DAPK1: variants seen among roughly 807,000 people sequenced by gnomAD.
The protein encoded by DAPK1 is death associated protein kinase 1, also known as death-associated protein kinase 1.
Under a neutral mutation model 144.9 loss-of-function variants are expected in DAPK1, and 56 were observed. That is an observed-to-expected ratio of 0.39 (90% CI 0.31 to 0.48). The LOEUF is 0.48. Ranked by LOEUF, DAPK1 falls within the 20% of genes least tolerant of loss-of-function variation. DAPK1 has a pLI of 0.95. For synonymous variants in DAPK1, 690 were observed against 749.0 expected (o/e 0.92, Z 1.29); for missense variants, 1,454 against 1,875.4 (o/e 0.78, Z 4.15).
At chr9:87,510,466 C>A (rs758214298) in intron 2 of DAPK1, among the ~76,000 whole-genome samples, 1 of 152,208 alleles carries the variant, frequency 6.6e-6, no homozygotes, top group Non-Finnish European at 1.5e-5. Flanking sequence ...TCCTGGCAAC[C>A]TCTCCAGAGC....
chr9:87,646,541 A>C lies in DAPK1; in HGVS notation c.1212A>C (p.Arg404Ser), dbSNP rs369627206. The stretch of plus-strand genomic sequence containing the variant: ...AGTTGCTCATTAAAAGAGGCTCGAG[A>C]ATCGATGTCCAGGATAAGGTCATAA... The part of the protein sequence containing the change: ...ILQLLIKRGS[R>S]IDVQDKGGSN... Residue 404 changes from arginine to serine, a missense_variant, in exon 13 of 26, where the codon AGA becomes AGC. Transcript: ENST00000408954. 274 of 1,611,298 alleles carry C rather than the reference A, an allele frequency of 1.7e-4. No homozygotes were observed. Among genetic ancestry groups the C allele is most frequent in the Non-Finnish European group, 2.2e-4 (264 of 1,177,504 alleles).
At chr9:87,632,112 A>ATG (rs527883819) in intron 3 of DAPK1, 32 of 630,146 alleles carry the variant, frequency 5.1e-5, no homozygotes, top group South Asian at 4.4e-4. Flanking sequence ...ATATATATGT[A>ATG]TGTGTGTGTG....
At chr9:87,638,539 T>G (rs1462456695) in intron 4 of DAPK1, among the ~76,000 whole-genome samples, 1 of 152,174 alleles carries the variant, frequency 6.6e-6, no homozygotes, top group Admixed American at 6.5e-5. Context: ...TGCAGGACGC[T>G]GTTGGAGATG....
At position 87,640,802 on chromosome 9, in the gene DAPK1, G is replaced by A. The variant is rs1334374058; in HGVS notation, c.783G>A (p.Lys261=). 1.9e-6 allele frequency: 3 copies of A among 1,614,000 alleles called. No homozygotes were observed. The highest frequency in any genetic ancestry group is 8.5e-7 in the Non-Finnish European group (1 of 1,180,010). ...TTTTTCTTCTCCCCCTCCCCTCAAG[G>A]AAGAGAATGACAATTCAAGATAGTT... ...FIRRLLVKDP[K]KRMTIQDSLQ... is the part of the protein sequence containing the mutation. The change falls in exon 9 of 26, where the codon AAG becomes AAA. Residue 261 remains lysine, a splice_region_variant and synonymous_variant. Coordinates refer to ENST00000408954, the MANE Select transcript of DAPK1 (RefSeq NM_004938.4).
chr9:87,692,677 G>T (rs2117974746), intron 21 of DAPK1, among the ~76,000 whole-genome samples: 1 of 152,192 alleles, frequency 6.6e-6, no homozygotes, highest in African/African-American at 2.4e-5. Context: ...CATGATGAAA[G>T]AATTGTCCTT....
chr9:87,639,569 A>C (rs1256699516), intron 5 of DAPK1, 81 bp from the exon 6 acceptor site: 2 of 1,610,410 alleles, frequency 1.2e-6, no homozygotes, highest in Non-Finnish European at 1.7e-6. Flanking sequence ...TTTCCCTGCT[A>C]CATGTTCCTG....
At chr9:87,613,867 C>CT (rs557885877) in intron 3 of DAPK1, among the ~76,000 whole-genome samples, 1 of 152,172 alleles carries the variant, frequency 6.6e-6, no homozygotes, top group Non-Finnish European at 1.5e-5. Context: ...TTTGTTCTCT[C>CT]TTTTCTGAGC....
At chr9:87,584,396 T>C (rs1827864126) in intron 2 of DAPK1, among the ~76,000 whole-genome samples, 2 of 152,238 alleles carry the variant, frequency 1.3e-5, no homozygotes, top group African/African-American at 2.4e-5. Flanking sequence ...CTGTTGTGAA[T>C]AGTGCTGCAA....
chr9:87,705,058 A>C (rs550994519), intron 25 of DAPK1, among the ~76,000 whole-genome samples: 314 of 151,952 alleles, frequency 2.1e-3, no homozygotes, highest in African/African-American at 7.3e-3. Flanking sequence ...AACTATTATC[A>C]TGGCAGCATA....
chr9:87,518,989 T>C (rs1825190713), intron 2 of DAPK1, among the ~76,000 whole-genome samples: 1 of 151,746 alleles, frequency 6.6e-6, no homozygotes, highest in South Asian at 2.1e-4. Flanking sequence ...TCTGAGCAGA[T>C]TAGAACAGAG....
rs1830303826 is a variant in DAPK1 at position 87,647,355 on chromosome 9, C to G, written c.1281C>G (p.Thr427=). Residue 427 remains threonine, a synonymous_variant, in exon 14 of 26, where the codon ACC becomes ACG. Transcript: ENST00000408954. ...YWAARHGHVD[T]LKFLSENKCP... The stretch of plus-strand genomic sequence containing the variant: ...CTGCTCGGCATGGCCACGTCGATAC[C>G]TTGAAATTTCTCAGTGAGAACAAAT... The G allele has an allele frequency of 1.2e-6, 2 of 1,614,180 alleles. No individual in the cohort carries two copies. Among genetic ancestry groups the G allele is most frequent in the Non-Finnish European group, 1.7e-6 (2 of 1,180,032 alleles).
At chr9:87,602,395 G>T (rs1269827356) in intron 2 of DAPK1, among the ~76,000 whole-genome samples, 1 of 152,146 alleles carries the variant, frequency 6.6e-6, no homozygotes, top group South Asian at 2.1e-4. Context: ...CCCAGGTTTT[G>T]CTGTAAACGA....
At chr9:87,555,888 C>T (rs974931478) in intron 2 of DAPK1, among the ~76,000 whole-genome samples, 1 of 152,144 alleles carries the variant, frequency 6.6e-6, no homozygotes, top group Non-Finnish European at 1.5e-5. Flanking sequence ...AAAAGCTAGG[C>T]GAGTTCCATA....
At chr9:87,598,785 C>G (rs1461228803) in intron 2 of DAPK1, among the ~76,000 whole-genome samples, 1 of 152,164 alleles carries the variant, frequency 6.6e-6, no homozygotes, top group Non-Finnish European at 1.5e-5. Flanking sequence ...TTTTAAGGCA[C>G]CAGGAACTAT....
chr9:87,525,141 C>G (rs562743158), intron 2 of DAPK1, among the ~76,000 whole-genome samples: 2 of 152,162 alleles, frequency 1.3e-5, no homozygotes, highest in Non-Finnish European at 2.9e-5. Context: ...TGTGGATGAC[C>G]CTGTGCAAAC....
intron 2 of DAPK1, among the ~76,000 whole-genome samples, chr9:87,587,041 C>G (rs917809976): frequency 3.9e-5 from 6 of 152,176 alleles, no homozygotes; most frequent in Non-Finnish European, 5.9e-5. Flanking sequence ...ATATCCTTAG[C>G]AAGATCAAAC....
At chr9:87,502,564 AGCCTCCTGGGC>A (rs1427745144) in intron 2 of DAPK1, among the ~76,000 whole-genome samples, 2 of 152,138 alleles carry the variant, frequency 1.3e-5, no homozygotes, top group Non-Finnish European at 2.9e-5. Flanking sequence ...CTAACCTGTG[AGCCTCCTGGGC>A]ACCTCTCTGT....
intron 25 of DAPK1, among the ~76,000 whole-genome samples, chr9:87,705,125 T>C (rs182651944): frequency 6.6e-6 from 1 of 152,108 alleles, no homozygotes; most frequent in Admixed American, 6.5e-5. Context: ...GGTATAATAA[T>C]AGAATGTTCT....
intron 2 of DAPK1, among the ~76,000 whole-genome samples, chr9:87,546,271 T>A (rs750856807): frequency 1.1e-4 from 16 of 152,002 alleles, no homozygotes; most frequent in Non-Finnish European, 2.4e-4. Context: ...AGCAGCAGGG[T>A]CCGTCAGGAG....
Sources: allele counts gnomAD v4.1 joint callset (sites outside exome capture counted in the v4.1 genomes callset), GRCh38; gene constraint gnomAD v4.1.1; transcripts MANE v1.5; gene names NCBI Gene and HGNC (gene_info 2026-07-23, HGNC 2026-07-21).